The following SSH1 variants were observed in gnomAD, a reference collection of about 807,000 sequenced individuals.
SSH1 encodes slingshot protein phosphatase 1.
Under a neutral mutation model 79.7 loss-of-function variants are expected in SSH1, and 43 were observed. The observed-to-expected ratio is 0.54, with a 90% CI of 0.42 to 0.70. The LOEUF is 0.70. Among genes scored for constraint, SSH1 ranks in the 30% least tolerant of loss-of-function variants. The pLI, the probability that SSH1 is intolerant of heterozygous loss-of-function variation, is 0.00. For synonymous variants in SSH1, 599 were observed against 538.3 expected (o/e 1.11, Z -1.56); for missense variants, 1,206 against 1,358.8 (o/e 0.89, Z 1.77).
chr12:108,846,356 G>A (rs1334513918), intron 2 of SSH1, among the ~76,000 whole-genome samples: 2 of 152,078 alleles, frequency 1.3e-5, no homozygotes, highest in African/African-American at 2.4e-5. Flanking sequence ...TCTCCCCAGT[G>A]TCCTACCTAG....
intron 5 of SSH1, among the ~76,000 whole-genome samples, chr12:108,812,210 C>T (rs1003539457): frequency 6.6e-6 from 1 of 152,232 alleles, no homozygotes; most frequent in African/African-American, 2.4e-5. Context: ...CAGGTCCCTC[C>T]GTGCCATCCT....
intron 2 of SSH1, among the ~76,000 whole-genome samples, chr12:108,844,702 A>G (rs1272810323): frequency 6.6e-6 from 1 of 152,246 alleles, no homozygotes; most frequent in Non-Finnish European, 1.5e-5. Context: ...CTGCACATTA[A>G]AGGCGGTAAG....
chr12:108,816,713 CGTT>C (rs779399321), intron 5 of SSH1, among the ~76,000 whole-genome samples: 2 of 152,182 alleles, frequency 1.3e-5, no homozygotes, highest in African/African-American at 4.8e-5. Context: ...CTGGGTTCGG[CGTT>C]GTTGTCACCT....
intron 2 of SSH1, among the ~76,000 whole-genome samples, chr12:108,848,923 T>G (rs993482939): frequency 3.9e-5 from 6 of 152,090 alleles, no homozygotes; most frequent in African/African-American, 7.2e-5. Context: ...TGCCACCAGT[T>G]GGCATGAGTC....
At chr12:108,834,509 C>T (rs2038551089) in intron 2 of SSH1, 1 of 152,240 alleles carries the variant, frequency 6.6e-6, no homozygotes, top group African/African-American at 2.4e-5. Context: ...ATTCAACCAA[C>T]TACAGACAGA....
rs770357485 is a variant in SSH1 at position 108,788,493 on chromosome 12, T to C, written c.2645A>G (p.Lys882Arg). 1 of 1,555,910 alleles carries C rather than the reference T, an allele frequency of 6.4e-7. No homozygotes were observed. Among genetic ancestry groups the C allele is most frequent in the Non-Finnish European group, 8.7e-7 (1 of 1,153,718 alleles). Reference sequence around the variant, plus strand: ...CAATGAAGCGGGGGCGGCCTCTGACTTCTCATCACTCCCGGCCTGGCTGGG... The same window carrying C: ...CAATGAAGCGGGGGCGGCCTCTGACCTCTCATCACTCCCGGCCTGGCTGGG... ...VMPSQAGSDE[K>R]SEAAPASLEG... is the part of the protein sequence containing the mutation. The change falls in exon 15 of 15, where the codon AAG (lysine) becomes AGG (arginine). Residue 882 changes from lysine to arginine, a missense_variant. This residue lies in a region of SSH1 where 709 missense variants were observed against 730.6 expected (regional missense o/e 0.97). Coordinates refer to ENST00000326495, the MANE Select transcript of SSH1 (RefSeq NM_018984.4).
rs914158428 is a variant in SSH1 at position 108,824,524 on chromosome 12, C to T, written c.111-1163G>A. Among the ~76,000 whole-genome samples the T allele has an allele frequency of 4.6e-5, 7 of 151,894 alleles. 1 individual carries two copies. In the South Asian group the frequency reaches 1.2e-3, roughly 27 times the overall value. On this transcript the variant is annotated intron_variant, in intron 2 of 14. Transcript: ENST00000326495. ...ATACTGACTTGTGATTTAACTTAGTCAAGGTTGTCCTGTCCACTATTCTTG... is the reference window on the plus strand; with the variant it reads ...ATACTGACTTGTGATTTAACTTAGTTAAGGTTGTCCTGTCCACTATTCTTG...
chr12:108,832,993 T>C (rs1463410979), intron 2 of SSH1, among the ~76,000 whole-genome samples: 16 of 152,100 alleles, frequency 1.1e-4, no homozygotes, highest in Non-Finnish European at 1.5e-5. Context: ...CTGGAACATG[T>C]ATTGTTTGGC....
At chr12:108,813,070 T>C (rs1199398611) in intron 5 of SSH1, among the ~76,000 whole-genome samples, 1 of 152,122 alleles carries the variant, frequency 6.6e-6, no homozygotes, top group African/African-American at 2.4e-5. Context: ...CCCACTATAT[T>C]GCCCAGGCTG....
Position 108,807,302 on chromosome 12 carries a change from C to T in SSH1, c.731+331G>A, listed in dbSNP as rs938538668. Among the ~76,000 whole-genome samples the T allele has an allele frequency of 5.3e-5, 8 of 152,142 alleles. No homozygotes were observed. Among genetic ancestry groups the T allele is most frequent in the Admixed American group, 4.6e-4 (7 of 15,272 alleles). The stretch of plus-strand genomic sequence containing the variant: ...TCTCTGGTAATCTGAAGAGAAAAGG[C>T]CAGACCACAGAGCTCTGGAAGGAGT... On this transcript the variant is annotated intron_variant, in intron 8 of 14. Transcript: ENST00000326495. The surrounding 1 kb of genome is among the most constrained non-coding windows in gnomAD (Gnocchi z 5.2).
chr12:108,794,253 C>T (rs940048449), intron 13 of SSH1, among the ~76,000 whole-genome samples: 7 of 152,224 alleles, frequency 4.6e-5, no homozygotes, highest in Non-Finnish European at 8.8e-5. Context: ...GAGAAAGTGC[C>T]GCCCAGGCTC....
chr12:108,837,404 G>A (rs2038663252), intron 2 of SSH1, among the ~76,000 whole-genome samples: 1 of 152,180 alleles, frequency 6.6e-6, no homozygotes, highest in African/African-American at 2.4e-5. Flanking sequence ...TCTTGAATGG[G>A]GTTAGAGGAC....
At position 108,786,566 on chromosome 12, in the gene SSH1, T is replaced by C. The variant is rs1592992023; in HGVS notation, c.*1422A>G. The C allele has an allele frequency of 6.6e-6, 1 of 152,252 alleles. No individual in the cohort carries two copies. Among genetic ancestry groups the C allele is most frequent in the Non-Finnish European group, 1.5e-5 (1 of 68,058 alleles). 9.4% of individuals were successfully genotyped at this position (152,252 alleles called of 1,614,324 possible). A position where few individuals can be genotyped will look rare whatever the true frequency, so the allele number is the denominator to read the frequency against. Reference sequence around the variant, plus strand: ...GAATTCTGTCACATATTATTTCTTTTTTTTACAACTCCTTAAAAAGGTAAA... The same window carrying C: ...GAATTCTGTCACATATTATTTCTTTCTTTTACAACTCCTTAAAAAGGTAAA... On this transcript the variant is annotated 3_prime_UTR_variant, in exon 15 of 15. Coordinates refer to ENST00000326495, the MANE Select transcript of SSH1 (RefSeq NM_018984.4).
At chr12:108,798,404 TCA>T (rs2036841827) in intron 13 of SSH1, among the ~76,000 whole-genome samples, 1 of 152,310 alleles carries the variant, frequency 6.6e-6, no homozygotes, top group East Asian at 1.9e-4. Context: ...AGTAGCACAA[TCA>T]CAGTTCACTG....
intron 2 of SSH1, among the ~76,000 whole-genome samples, chr12:108,837,599 T>A (rs2137248045): frequency 6.6e-6 from 1 of 152,334 alleles, no homozygotes; most frequent in South Asian, 2.1e-4. Flanking sequence ...CTGGAAATTA[T>A]CTCAAAATTA....
In SSH1 at chr12:108,788,785, G is replaced by A. The variant is rs780784180; in HGVS notation, c.2353C>T (p.Pro785Ser). 2.0e-5 allele frequency: 33 copies of A among 1,614,122 alleles called. No individual in the cohort carries two copies. The highest frequency in any genetic ancestry group is 2.8e-5 in the Non-Finnish European group (33 of 1,180,054). ...AACAGAAGCCTCAGGTCCTTGGCTG[G>A]CTTCATATCTTTCTTGGGTGACGAT... ...EESSPKKDMK[P>S]AKDLRLLFSN... The change falls in exon 15 of 15, where the codon CCA becomes TCA. Residue 785 changes from proline (P) to serine (S), a missense_variant. Physicochemically the swap from Pro to Ser is moderately conservative, Grantham distance 74. Coordinates refer to ENST00000326495, the MANE Select transcript of SSH1 (RefSeq NM_018984.4).
chr12:108,820,988 T>C (rs963265603), intron 3 of SSH1, among the ~76,000 whole-genome samples: 1 of 152,258 alleles, frequency 6.6e-6, no homozygotes, highest in Non-Finnish European at 1.5e-5. Context: ...TGACACTTAG[T>C]GAGCAGAGCT....
intron 7 of SSH1, among the ~76,000 whole-genome samples, chr12:108,808,736 A>G (rs2037413338): frequency 6.6e-6 from 1 of 151,944 alleles, no homozygotes; most frequent in Admixed American, 6.5e-5. Context: ...TCATTTTAAT[A>G]TAGAAACTAA....
intron 5 of SSH1, among the ~76,000 whole-genome samples, chr12:108,813,098 T>G (rs979440931): frequency 1.3e-5 from 2 of 151,406 alleles, no homozygotes; most frequent in Admixed American, 6.6e-5. Context: ...ACTCCTGGGC[T>G]CAAGCAGTCC....
Sources: gnomAD v4.1 joint callset for allele counts (sites outside exome capture counted in the v4.1 genomes callset) on GRCh38, gnomAD v4.1.1 for gene constraint, gnomAD v4.1.1 regional missense constraint, Gnocchi (gnomAD v3.1) non-coding constraint, MANE v1.5 for transcripts, NCBI Gene and HGNC (gene_info 2026-07-23, HGNC 2026-07-21) for gene names.